Variants in COPS3 observed in about 807,000 individuals in gnomAD.
COPS3 encodes the protein COP9 signalosome complex subunit 3.
A neutral mutation model predicts 58.2 loss-of-function variants in COPS3; 10 were observed. The observed-to-expected ratio is 0.17, with a 90% CI of 0.11 to 0.29. The LOEUF (loss-of-function observed/expected upper bound fraction) is 0.29. Ranked by LOEUF, COPS3 falls within the 10% of genes least tolerant of loss-of-function variation. COPS3 has a pLI of 1.00. For missense variants in COPS3, 333 were observed against 510.1 expected, an observed-to-expected ratio of 0.65 and a Z score of 3.34; for synonymous variants, 187 against 181.7, an observed-to-expected ratio of 1.03 and a Z score of -0.24.
intron 4 of COPS3, among the ~76,000 whole-genome samples, chr17:17,268,840 ACAACAAC>A (rs1454762662): frequency 8.9e-5 from 13 of 146,038 alleles, no homozygotes; most frequent in East Asian, 7.8e-4. Context: ...AACAACAACA[ACAACAAC>A]AAAAATATAT....
At chr17:17,266,005 C>T (rs2048213646) in intron 5 of COPS3, among the ~76,000 whole-genome samples, 1 of 152,162 alleles carries the variant, frequency 6.6e-6, no homozygotes, top group Non-Finnish European at 1.5e-5. Flanking sequence ...TGTAGACATG[C>T]GTACAAACTC....
At chr17:17,266,195 G>A (rs12947291) in intron 5 of COPS3, among the ~76,000 whole-genome samples, 70,721 of 151,914 alleles carry the variant, frequency 0.47, 17,411 homozygotes, top group East Asian at 0.63. Flanking sequence ...TAAAACCATC[G>A]CATACTCATA....
intron 7 of COPS3, 39 bp downstream of exon 7, chr17:17,261,927 A>G: frequency 6.5e-7 from 1 of 1,533,854 alleles, no homozygotes; most frequent in Non-Finnish European, 8.9e-7. Flanking sequence ...TATACTCAAC[A>G]TGCTCACGTA....
chr17:17,260,319 A>G lies in COPS3; in HGVS notation c.918T>C (p.Asn306=). The G allele has an allele frequency of 1.2e-6, 2 of 1,614,000 alleles. No homozygotes were observed. The highest frequency in any genetic ancestry group is 1.7e-6 in the Non-Finnish European group (2 of 1,179,924). Residue 306 remains asparagine (N), a synonymous_variant, in exon 8 of 12, where the codon AAT becomes AAC. Coordinates refer to ENST00000268717, the MANE Select transcript of COPS3 (RefSeq NM_003653.4). ...KQCLSSLYKK[N]IQRLTKTFLT... ...TCCTCACCTTTGTTAGCCTCTGAAT[A>G]TTCTTCTTATAAAGAGATGACAAGC...
chr17:17,260,363 T>C lies in COPS3; in HGVS notation c.874A>G (p.Met292Val), dbSNP rs563225822. Reference sequence around the variant, plus strand: ...GACAAGCATTGCTTCACCAGCCCCATGTTGTTATCGCGAGTGAAGGTTTCA... The same window carrying C: ...GACAAGCATTGCTTCACCAGCCCCACGTTGTTATCGCGAGTGAAGGTTTCA... ...HSETFTRDNNMGLVKQCLSSL... is the reference protein window; with the variant it reads ...HSETFTRDNNVGLVKQCLSSL... Residue 292 changes from methionine (M) to valine (V), a missense_variant, in exon 8 of 12, where the codon ATG (methionine) becomes GTG (valine). Coordinates refer to ENST00000268717, the MANE Select transcript of COPS3 (RefSeq NM_003653.4). 4 of 1,614,180 alleles carry C rather than the reference T, an allele frequency of 2.5e-6. No individual in the cohort carries two copies. In the South Asian group the frequency reaches 3.3e-5, roughly 13 times the overall value.
intron 5 of COPS3, 152 bp downstream of exon 5, chr17:17,267,733 C>T: frequency 1.7e-6 from 1 of 589,984 alleles, no homozygotes; most frequent in Non-Finnish European, 2.7e-6. Flanking sequence ...CCAGCACCCG[C>T]CTGAATGTAA....
chr17:17,277,610 G>T (rs1486432672), intron 1 of COPS3, among the ~76,000 whole-genome samples: 3 of 151,622 alleles, frequency 2.0e-5, no homozygotes, highest in Non-Finnish European at 4.4e-5. Flanking sequence ...GCAGAGACAG[G>T]GGTCTCACTA....
Position 17,251,435 on chromosome 17 carries a change from C to T in COPS3, c.1024-2396G>A, listed in dbSNP as rs896753925. On this transcript the variant is annotated intron_variant, in intron 9 of 11. Transcript: ENST00000268717. Reference sequence around the variant, plus strand: ...TCAGCCTCCCAAGTAGCTGGGATTACAGGCGCCCGCCATCATGCCTAGCTA... The same window carrying T: ...TCAGCCTCCCAAGTAGCTGGGATTATAGGCGCCCGCCATCATGCCTAGCTA... 2.6e-5 allele frequency among the ~76,000 whole-genome samples: 4 copies of T among 151,926 alleles called. 1 individual carries two copies. Among genetic ancestry groups the T allele is most frequent in the South Asian group, 4.2e-4 (2 of 4,816 alleles).
At position 17,262,083 on chromosome 17, in the gene COPS3, C is replaced by T. The variant is rs374574802; in HGVS notation, c.645G>A (p.Ala215=). ...YEQAITTPAM[A]VSHIMLESYK... ...ATGATTCCAACATGATATGACTGAC[C>T]GCCATGGCAGGAGTAGTTATAGCCT... Residue 215 remains alanine (A), a synonymous_variant, in exon 7 of 12, where the codon GCG becomes GCA. Transcript: ENST00000268717. 9 of 1,610,292 alleles carry T rather than the reference C, an allele frequency of 5.6e-6. No individual in the cohort carries two copies. Among genetic ancestry groups the T allele is most frequent in the South Asian group, 4.4e-5 (4 of 90,280 alleles).
intron 2 of COPS3, among the ~76,000 whole-genome samples, chr17:17,273,015 G>A (rs1467033124): frequency 6.6e-6 from 1 of 152,154 alleles, no homozygotes; most frequent in Non-Finnish European, 1.5e-5. Flanking sequence ...GGGGTTCCTT[G>A]TAACCGTGTA....
intron 2 of COPS3, among the ~76,000 whole-genome samples, chr17:17,274,478 G>T (rs2145255392): frequency 6.8e-6 from 1 of 147,344 alleles, no homozygotes; most frequent in South Asian, 2.1e-4. Context: ...AGACTGGAGT[G>T]CAGTGGCGTT....
chr17:17,264,708 C>A, intron 6 of COPS3, 94 bp downstream of exon 6: 1 of 1,010,140 alleles, frequency 9.9e-7, no homozygotes, highest in South Asian at 1.7e-5. Context: ...AAACGGAGGC[C>A]CTGGGATCAG....
intron 8 of COPS3, among the ~76,000 whole-genome samples, chr17:17,256,465 T>C (rs1302600582): frequency 1.3e-5 from 2 of 152,196 alleles, no homozygotes; most frequent in South Asian, 2.1e-4. Context: ...AACCAGTGTT[T>C]ACCACTGCTC....
intron 9 of COPS3, among the ~76,000 whole-genome samples, 180 bp downstream of exon 9, chr17:17,254,679 C>T (rs1262599373): frequency 6.6e-6 from 1 of 151,380 alleles, no homozygotes; most frequent in Admixed American, 6.6e-5. Context: ...GGCATGGTGG[C>T]GCATGCCTGT....
chr17:17,267,878 T>G lies in COPS3; in HGVS notation c.441+7A>C, dbSNP rs2302357. On this transcript the variant is annotated splice_region_variant and intron_variant, in intron 5 of 11. Coordinates refer to ENST00000268717, the MANE Select transcript of COPS3 (RefSeq NM_003653.4). ...CTTGGTGTGAATCACACACTTTGGT[T>G]GCTTACCTGGCAGAGATCAGCATGT... is the stretch of plus-strand genomic sequence containing the variant. 0.022 allele frequency: 34,859 copies of G among 1,612,936 alleles called. 453 individuals are homozygous for G. The highest frequency in any genetic ancestry group is 0.033 in the Middle Eastern group (202 of 6,060).
At chr17:17,258,887 C>T (rs1436497303) in intron 8 of COPS3, among the ~76,000 whole-genome samples, 1 of 152,124 alleles carries the variant, frequency 6.6e-6, no homozygotes, top group Non-Finnish European at 1.5e-5. Context: ...TACTGATTTC[C>T]TTCTATTCTA....
chr17:17,267,544 A>T (rs2048253927), intron 5 of COPS3, among the ~76,000 whole-genome samples: 1 of 145,888 alleles, frequency 6.9e-6, no homozygotes, highest in Admixed American at 7.0e-5. Context: ...AGGCTGAGGC[A>T]GGAGAATTGC....
Position 17,264,859 on chromosome 17 carries a change from T to C in COPS3, c.564A>G (p.Gly188=). 1 of 1,613,420 alleles carries C rather than the reference T, an allele frequency of 6.2e-7. No homozygotes were observed. Among genetic ancestry groups the C allele is most frequent in the Non-Finnish European group, 8.5e-7 (1 of 1,179,484 alleles). ...AKHFLCYYYY[G]GMIYTGLKNF... is the part of the protein sequence containing the mutation. ...TCTTCAGCCCAGTATAGATCATCCC[T>C]CCATAATAATAGTAACATAAAAAGT... Residue 188 remains glycine (G), a synonymous_variant, in exon 6 of 12, where the codon GGA becomes GGG. Transcript: ENST00000268717.
At chr17:17,267,847 C>T (rs1269758363) in intron 5 of COPS3, 38 bp downstream of exon 5, 1 of 1,605,356 alleles carries the variant, frequency 6.2e-7, no homozygotes, top group Admixed American at 1.7e-5. Flanking sequence ...CAACCTACAC[C>T]TCTGACTTGG....
Sources: allele counts gnomAD v4.1 joint callset (sites outside exome capture counted in the v4.1 genomes callset), GRCh38; gene constraint gnomAD v4.1.1; transcripts MANE v1.5; gene names NCBI Gene and HGNC (gene_info 2026-07-23, HGNC 2026-07-21).